LRGUK: variants seen among roughly 807,000 people sequenced by gnomAD.
LRGUK encodes leucine-rich repeat and guanylate kinase domain-containing protein.
In LRGUK, 65 loss-of-function variants were observed where a neutral mutation model predicts 76.0. The observed-to-expected ratio is 0.85, with a 90% CI of 0.70 to 1.05. The LOEUF (loss-of-function observed/expected upper bound fraction) is 1.05. Ranked by LOEUF, LRGUK falls within the 50% of genes least tolerant of loss-of-function variation. The pLI is 0.00. For missense variants in LRGUK, 758 were observed against 732.8 expected (o/e 1.03, Z -0.40); for synonymous variants, 268 against 265.6 (o/e 1.01, Z -0.09).
chr7:134,256,955 G>C (rs1802599945), intron 18 of LRGUK, among the ~76,000 whole-genome samples: 2 of 152,130 alleles, frequency 1.3e-5, no homozygotes, highest in African/African-American at 4.8e-5. Flanking sequence ...GACAGAAAAG[G>C]GTTAAGAGTG....
chr7:134,217,242 T>C (rs1165017070), intron 15 of LRGUK, among the ~76,000 whole-genome samples: 2 of 151,848 alleles, frequency 1.3e-5, no homozygotes, highest in Non-Finnish European at 2.9e-5. Context: ...ATTGACCCAT[T>C]AGTTCACCTC....
chr7:134,231,956 T>C (rs754778533), intron 16 of LRGUK, among the ~76,000 whole-genome samples: 17 of 151,964 alleles, frequency 1.1e-4, no homozygotes, highest in Non-Finnish European at 2.2e-4. Flanking sequence ...TCTTCCCATT[T>C]CCTCACTTAT....
downstream of LRGUK, among the ~76,000 whole-genome samples, chr7:134,214,178 C>T (rs1377174948): frequency 6.6e-6 from 1 of 150,722 alleles, no homozygotes; most frequent in Non-Finnish European, 1.5e-5. Context: ...ATAGATATGT[C>T]AAAAAGTATT....
downstream of LRGUK, among the ~76,000 whole-genome samples, chr7:134,266,731 A>AT (rs1050525263): frequency 9.2e-5 from 14 of 152,008 alleles, no homozygotes; most frequent in Admixed American, 2.0e-4. Flanking sequence ...ACTGAAAAAT[A>AT]TTTTTTTTAA....
At chr7:134,243,095 T>C (rs1045702721) in intron 16 of LRGUK, among the ~76,000 whole-genome samples, 3 of 152,156 alleles carry the variant, frequency 2.0e-5, no homozygotes, top group African/African-American at 7.2e-5. Context: ...ACAGCCAATA[T>C]CATACTGAAT....
At chr7:134,206,464 A>G (rs1164419066) in intron 15 of LRGUK, among the ~76,000 whole-genome samples, 3 of 151,970 alleles carry the variant, frequency 2.0e-5, no homozygotes, top group Non-Finnish European at 4.4e-5. Context: ...GCAATGAGCT[A>G]ATATTGTAGC....
intron 12 of LRGUK, among the ~76,000 whole-genome samples, chr7:134,192,702 A>G (rs552469583): frequency 1.3e-5 from 2 of 152,342 alleles, no homozygotes; most frequent in South Asian, 2.1e-4. Flanking sequence ...TCATATTTTC[A>G]TCACGACCAA....
At chr7:134,158,293 G>C (rs759284004) in intron 6 of LRGUK, 134 bp downstream of exon 6, 3 of 746,424 alleles carry the variant, frequency 4.0e-6, no homozygotes, top group African/African-American at 1.7e-5. Flanking sequence ...CTTCAGTTTT[G>C]TTTGCTCCTT....
intron 19 of LRGUK, among the ~76,000 whole-genome samples, chr7:134,258,648 G>A (rs576912117): frequency 1.3e-5 from 2 of 148,698 alleles, no homozygotes; most frequent in South Asian, 4.3e-4. Flanking sequence ...GCAGGGAGCC[G>A]AGATCACACT....
intron 1 of LRGUK, 32 bp downstream of exon 1, chr7:134,127,696 G>T: frequency 3.2e-6 from 5 of 1,587,122 alleles, no homozygotes; most frequent in Non-Finnish European, 3.4e-6. Context: ...GTACTCCCTG[G>T]CTCCCTCGTC....
chr7:134,238,517 T>C (rs1802064403), intron 16 of LRGUK, among the ~76,000 whole-genome samples: 1 of 152,180 alleles, frequency 6.6e-6, no homozygotes, highest in Non-Finnish European at 1.5e-5. Flanking sequence ...CTCTTGTATT[T>C]CTTCTAGTTT....
intron 11 of LRGUK, among the ~76,000 whole-genome samples, chr7:134,187,431 C>T (rs1800021999): frequency 6.6e-6 from 1 of 152,072 alleles, no homozygotes; most frequent in Admixed American, 6.6e-5. Flanking sequence ...ATTTTACTTC[C>T]TTTCTAAATT....
chr7:134,242,758 G>T lies in LRGUK; in HGVS notation c.1984-4798G>T, dbSNP rs996338650. On this transcript the variant is annotated intron_variant, in intron 16 of 19. Coordinates refer to the LRGUK transcript ENST00000285928. ...TGGCAGAGACACAACAAAAAAAAGAGAATTTAGACCAATATCCATGATGAT... is the reference window on the plus strand; with the variant it reads ...TGGCAGAGACACAACAAAAAAAAGATAATTTAGACCAATATCCATGATGAT... Among the ~76,000 whole-genome samples the T allele has an allele frequency of 3.9e-5, 6 of 152,096 alleles. No individual in the cohort carries two copies. In the South Asian group the frequency reaches 1.2e-3, roughly 32 times the overall value.
chr7:134,200,184 C>A (rs420253), intron 14 of LRGUK, among the ~76,000 whole-genome samples: 136,128 of 150,414 alleles, frequency 0.91, 62,546 homozygotes, highest in Non-Finnish European at 0.99. Context: ...TTACAGGTGC[C>A]CGCCACCACG....
chr7:134,256,597 T>C (rs1802590946), intron 18 of LRGUK, among the ~76,000 whole-genome samples: 1 of 152,124 alleles, frequency 6.6e-6, no homozygotes, highest in African/African-American at 2.4e-5. Context: ...GAGAAGCCTG[T>C]CTCCCAGTGA....
chr7:134,134,092 C>G (rs34060248), intron 1 of LRGUK, among the ~76,000 whole-genome samples: 51,453 of 151,648 alleles, frequency 0.34, 10,105 homozygotes, highest in Middle Eastern at 0.45. Context: ...AAAGAAATTG[C>G]CCATAGGCTA....
At chr7:134,183,953 A>G in intron 11 of LRGUK, 100 bp downstream of exon 11, 1 of 1,450,804 alleles carries the variant, frequency 6.9e-7, no homozygotes, top group Non-Finnish European at 9.4e-7. Context: ...AATGTTGGCT[A>G]TTAATTTTAA....
chr7:134,166,046 C>T (rs1317627961), intron 7 of LRGUK, among the ~76,000 whole-genome samples: 3 of 151,924 alleles, frequency 2.0e-5, no homozygotes, highest in Non-Finnish European at 2.9e-5. Flanking sequence ...AGGAGCAACC[C>T]GCAGGCTCCC....
chr7:134,210,341 C>T (rs1801200526), downstream of LRGUK: 1 of 398,402 alleles, frequency 2.5e-6, no homozygotes, highest in Non-Finnish European at 4.4e-6. Context: ...CTGAGCCGCC[C>T]CACGCCGAGC....
Sources: allele counts gnomAD v4.1 joint callset (sites outside exome capture counted in the v4.1 genomes callset), GRCh38; gene constraint gnomAD v4.1.1; transcripts MANE v1.5; gene names NCBI Gene and HGNC (gene_info 2026-07-23, HGNC 2026-07-21).